Variants in PGAP1 observed in about 807,000 individuals in gnomAD.
PGAP1 encodes post-GPI attachment to proteins inositol deacylase 1.
A neutral mutation model predicts 127.0 loss-of-function variants in PGAP1; 76 were observed. The ratio of observed to expected loss-of-function variants is 0.60; its 90% CI spans 0.50 to 0.72. PGAP1 has a LOEUF of 0.72. Ranked by LOEUF, PGAP1 falls within the 30% of genes least tolerant of loss-of-function variation. The probability of loss-of-function intolerance (pLI) is 0.00; values close to 1 mark genes in which losing one functional copy is unlikely to be tolerated. For synonymous variants in PGAP1, 362 were observed against 366.5 expected, an observed-to-expected ratio of 0.99 and a Z score of 0.14; for missense variants, 982 against 1,071.3, an observed-to-expected ratio of 0.92 and a Z score of 1.16.
At chr2:196,853,317 A>C (rs1487748902) in intron 20 of PGAP1, among the ~76,000 whole-genome samples, 1 of 152,250 alleles carries the variant, frequency 6.6e-6, no homozygotes, top group East Asian at 1.9e-4. Flanking sequence ...CATCTAGAAA[A>C]ACAATGTTTT....
Position 196,926,505 on chromosome 2 carries a change from T to C in PGAP1, c.112A>G (p.Ser38Gly), listed in dbSNP as rs1703365484. 6.2e-7 allele frequency: 1 copy of C among 1,614,150 alleles called. No homozygotes were observed. The highest frequency in any genetic ancestry group is 8.5e-7 in the Non-Finnish European group (1 of 1,180,026). Residue 38 changes from serine (S) to glycine (G), a missense_variant, in exon 1 of 27, where the codon AGT (serine) becomes GGT (glycine). Transcript: ENST00000354764. ...GGGTACTCAAACATGTAGCTCATAC[T>C]GCACTTATTCTCCTCGAAGCCGAAG... ...VFFGFEENKC[S>G]MSYMFEYPEY...
chr2:196,925,593 G>T (rs908929088), intron 1 of PGAP1, among the ~76,000 whole-genome samples: 7 of 152,194 alleles, frequency 4.6e-5, no homozygotes, highest in Admixed American at 2.0e-4. Flanking sequence ...CTACTATGCC[G>T]AACTAACGAA....
At chr2:196,881,083 A>T (rs1176492091) in intron 12 of PGAP1, among the ~76,000 whole-genome samples, 16 of 152,200 alleles carry the variant, frequency 1.1e-4, no homozygotes, top group Admixed American at 1.0e-3. Context: ...ATGTGTTCTC[A>T]TCATTCAGCT....
rs138120715 is a variant in PGAP1, at chr2:196,904,400, C to A, written c.650-1658G>T. Among the ~76,000 whole-genome samples, 9 of 152,204 alleles carry A rather than the reference C, an allele frequency of 5.9e-5. No individual in the cohort carries two copies. In the East Asian group the frequency reaches 1.5e-3, roughly 26 times the overall value. On this transcript the variant is annotated intron_variant, in intron 4 of 26. Coordinates refer to ENST00000354764, the MANE Select transcript of PGAP1 (RefSeq NM_024989.4). ...CAGGAAAACAAAGAAAATGAAGAGA[C>A]CCACACAGGTCTTAGAAGCAGGCTT...
At position 196,862,726 on chromosome 2, in the gene PGAP1, C is replaced by T. The variant is rs367715731; in HGVS notation, c.1861+2261G>A. Among the ~76,000 whole-genome samples, 78 of 152,290 alleles carry T rather than the reference C, an allele frequency of 5.1e-4. 1 individual carries two copies. The East Asian group carries it at 8.3e-3, about 16-fold the overall frequency. On this transcript the variant is annotated intron_variant, in intron 20 of 26. Coordinates refer to ENST00000354764, the MANE Select transcript of PGAP1 (RefSeq NM_024989.4). ...AATAGAAAAGAACCTACGTGACTAT[C>T]GGGGCAGGTTCCCTGATACCTGTCT...
At chr2:196,874,955 G>A (rs959847468) in intron 14 of PGAP1, among the ~76,000 whole-genome samples, 4 of 152,180 alleles carry the variant, frequency 2.6e-5, no homozygotes, top group Admixed American at 6.5e-5. Flanking sequence ...GGCAGAGGTT[G>A]CAGTGAGCTG....
chr2:196,847,885 A>G (rs1006834993), intron 21 of PGAP1, 62 bp downstream of exon 21: 3 of 1,226,442 alleles, frequency 2.4e-6, no homozygotes, highest in African/African-American at 3.1e-5. Context: ...GCATTATGGA[A>G]CCAAATATAA....
chr2:196,920,644 T>C (rs1047904491), intron 1 of PGAP1, among the ~76,000 whole-genome samples: 9 of 152,192 alleles, frequency 5.9e-5, no homozygotes, highest in Non-Finnish European at 1.0e-4. Flanking sequence ...TGTTTTATAA[T>C]GCAGCTTTCT....
rs914239913 is a variant in PGAP1 at position 196,840,630 on chromosome 2, A to G, written c.*604T>C. ...TCCACCCATCAATCTTGCATTGGTT[A>G]CCAAGAAAACATATCTCCTTACCAT... On this transcript the variant is annotated 3_prime_UTR_variant, in exon 27 of 27. Coordinates refer to ENST00000354764, the MANE Select transcript of PGAP1 (RefSeq NM_024989.4). 3 of 152,150 alleles carry G rather than the reference A, an allele frequency of 2.0e-5. No individual in the cohort carries two copies. Among genetic ancestry groups the G allele is most frequent in the African/African-American group, 7.2e-5 (3 of 41,434 alleles). The allele number at this position is 152,150 out of a possible 1,614,324, so 9.4% of individuals were successfully genotyped here.
chr2:196,892,251 A>G, intron 9 of PGAP1, 95 bp downstream of exon 9: 1 of 608,096 alleles, frequency 1.6e-6, no homozygotes, highest in South Asian at 2.3e-5. Flanking sequence ...AATGGCATGC[A>G]GTTATCTTGT....
chr2:196,865,449 G>C (rs1393270598), intron 19 of PGAP1, among the ~76,000 whole-genome samples: 1 of 151,984 alleles, frequency 6.6e-6, no homozygotes, highest in Non-Finnish European at 1.5e-5. Context: ...CTATTCTATA[G>C]ACAAAGAAAT....
At chr2:196,842,936 TAA>T (rs1424691833) in intron 25 of PGAP1, 111 bp from the exon 26 acceptor site, 4 of 455,542 alleles carry the variant, frequency 8.8e-6, no homozygotes, top group South Asian at 5.6e-5. Context: ...AATATGGATA[TAA>T]GAGAGCTCTA....
Position 196,890,929 on chromosome 2 carries a change from A to G in PGAP1, c.1090-18T>C, listed in dbSNP as rs769655415. The G allele has an allele frequency of 5.5e-6, 7 of 1,280,184 alleles. No individual in the cohort carries two copies. Among genetic ancestry groups the G allele is most frequent in the Non-Finnish European group, 8.0e-6 (7 of 878,000 alleles). 79.3% of individuals were successfully genotyped at this position (1,280,184 alleles called of 1,614,324 possible). ...TCAGATTCCTACAAAAAGAAGGAAAACACTCAATATAGCTGTAATGAGCAG... is the reference window on the plus strand; with the variant it reads ...TCAGATTCCTACAAAAAGAAGGAAAGCACTCAATATAGCTGTAATGAGCAG... On this transcript the variant is annotated intron_variant, in intron 9 of 26. Transcript: ENST00000354764.
At chr2:196,898,208 ACT>A in intron 6 of PGAP1, 107 bp downstream of exon 6, 1 of 724,192 alleles carries the variant, frequency 1.4e-6, no homozygotes, top group Non-Finnish European at 2.3e-6. Context: ...ACAGAGCGAG[ACT>A]CTGTCTCAAA....
At chr2:196,915,732 C>T (rs1294131256) in intron 3 of PGAP1, among the ~76,000 whole-genome samples, 2 of 152,222 alleles carry the variant, frequency 1.3e-5, no homozygotes, top group Admixed American at 6.5e-5. Context: ...CTACCACTTC[C>T]TCCTTAGCAT....
chr2:196,869,221 G>A (rs1382633581), intron 19 of PGAP1, among the ~76,000 whole-genome samples: 1 of 152,040 alleles, frequency 6.6e-6, no homozygotes, highest in Admixed American at 6.5e-5. Flanking sequence ...TGAGACACAG[G>A]AATTATATGG....
In PGAP1 at chr2:196,844,032, T is replaced by A. The variant is rs1700489565; in HGVS notation, c.2381A>T (p.His794Leu). The A allele has an allele frequency of 3.8e-6, 6 of 1,599,524 alleles. No homozygotes were observed. The highest frequency in any genetic ancestry group is 5.1e-6 in the Non-Finnish European group (6 of 1,171,098). Residue 794 changes from histidine (H) to leucine (L), a missense_variant, in exon 25 of 27, where the codon CAT (histidine) becomes CTT (leucine). Physicochemically the swap from His to Leu is moderately conservative, Grantham distance 99 (BLOSUM62 -3). Coordinates refer to ENST00000354764, the MANE Select transcript of PGAP1 (RefSeq NM_024989.4). ...SRRSEKKSNH[H>L]KDSSIHHLRL... ...AAGATGGTGTATTGAGGAGTCTTTA[T>A]GATGATTGGATTTCTTTTCACTTCT...
Position 196,846,015 on chromosome 2 carries a change from G to A in PGAP1, c.2153C>T (p.Pro718Leu). 6.4e-7 allele frequency: 1 copy of A among 1,561,254 alleles called. No homozygotes were observed. Among genetic ancestry groups the A allele is most frequent in the Non-Finnish European group, 8.7e-7 (1 of 1,147,346 alleles). The change falls in exon 23 of 27, where the codon CCC becomes CTC. Residue 718 changes from proline to leucine, a missense_variant and splice_region_variant. By Grantham distance (98) the Pro-to-Leu change is moderately conservative. Coordinates refer to ENST00000354764, the MANE Select transcript of PGAP1 (RefSeq NM_024989.4). ...CTTGATATCTTTAGGAAGTTCAGAGGGTCTGGAATTATAAGAATAAAGTTT... is the reference window on the plus strand; with the variant it reads ...CTTGATATCTTTAGGAAGTTCAGAGAGTCTGGAATTATAAGAATAAAGTTT... ...LSSLWLALKR[P>L]SELPKDIKMI...
chr2:196,878,131 CT>C (rs1701621483), intron 13 of PGAP1, among the ~76,000 whole-genome samples: 1 of 152,016 alleles, frequency 6.6e-6, no homozygotes, highest in South Asian at 2.1e-4. Context: ...CCATTCTTTT[CT>C]TTCTATTCCC....
Sources: gnomAD v4.1 joint callset for allele counts (sites outside exome capture counted in the v4.1 genomes callset) on GRCh38, gnomAD v4.1.1 for gene constraint, MANE v1.5 for transcripts, NCBI Gene and HGNC (gene_info 2026-07-23, HGNC 2026-07-21) for gene names.